RPA3: variants seen among roughly 807,000 people sequenced by gnomAD.
The protein encoded by RPA3 is replication protein A 14 kDa subunit.
A neutral mutation model predicts 13.7 loss-of-function variants in RPA3; 24 were observed. That is an observed-to-expected ratio of 1.75 (90% CI 1.27 to 2.46). The LOEUF (loss-of-function observed/expected upper bound fraction) is 2.46. RPA3 is among the 30% of genes most tolerant of loss of function. RPA3 has a pLI of 0.00. For missense variants in RPA3, 183 were observed against 151.0 expected (o/e 1.21, Z -1.11); for synonymous variants, 59 against 51.2 (o/e 1.15, Z -0.65).
chr7:7,658,363 G>T (rs1014020716), intron 4 of RPA3, among the ~76,000 whole-genome samples: 1 of 152,256 alleles, frequency 6.6e-6, no homozygotes, highest in Non-Finnish European at 1.5e-5. Flanking sequence ...TAGGAGTGGT[G>T]AGAGAGGGCA....
chr7:7,704,123 A>G lies in RPA3; in HGVS notation c.-1028+11052T>C, dbSNP rs1227338300. 3.3e-5 allele frequency among the ~76,000 whole-genome samples: 5 copies of G among 152,342 alleles called. 1 individual carries two copies. The highest frequency in any genetic ancestry group is 5.9e-5 in the Non-Finnish European group (4 of 68,042). On this transcript the variant is annotated intron_variant, in intron 2 of 7. Coordinates refer to ENST00000223129, the MANE Select transcript of RPA3 (RefSeq NM_002947.5). ...GCTGTGTTTTCTTTATTGTATTTCA[A>G]CTAAACAACACATCATGATAGTCTG...
At chr7:7,714,601 T>C (rs770655316) in intron 2 of RPA3, among the ~76,000 whole-genome samples, 6 of 152,238 alleles carry the variant, frequency 3.9e-5, no homozygotes, top group Non-Finnish European at 7.3e-5. Context: ...TAAATATCTT[T>C]AAATTCTCAT....
intron 4 of RPA3, among the ~76,000 whole-genome samples, chr7:7,644,259 C>A (rs1785044935): frequency 6.6e-6 from 1 of 150,734 alleles, no homozygotes; most frequent in South Asian, 2.1e-4. Flanking sequence ...CTTTTTCTTA[C>A]TGACTTTTAA....
chr7:7,647,222 T>C (rs561463380), intron 4 of RPA3, among the ~76,000 whole-genome samples: 1 of 152,364 alleles, frequency 6.6e-6, no homozygotes, highest in East Asian at 1.9e-4. Flanking sequence ...TTTTCTAGTT[T>C]TCAGCATATT....
intron 2 of RPA3, among the ~76,000 whole-genome samples, chr7:7,697,045 A>G (rs139378486): frequency 2.0e-5 from 3 of 152,310 alleles, no homozygotes; most frequent in African/African-American, 7.2e-5. Flanking sequence ...ACACATGCCA[A>G]GCAGTCAGCA....
At position 7,658,677 on chromosome 7, in the gene RPA3, G is replaced by A. The variant is rs372445773; in HGVS notation, c.-757-17502C>T. The stretch of plus-strand genomic sequence containing the variant: ...TGATGAAGCTGATTTGATTGTGGTG[G>A]ATAAGCTATTTGATGTGCTGTTGGA... On this transcript the variant is annotated intron_variant, in intron 4 of 7. Transcript: ENST00000223129. Among the ~76,000 whole-genome samples, 54 of 152,306 alleles carry A rather than the reference G, an allele frequency of 3.5e-4. 3 individuals carry two copies. In the South Asian group the frequency reaches 0.011, roughly 31 times the overall value.
chr7:7,640,583 T>C lies in RPA3; in HGVS notation c.-165A>G, dbSNP rs907504319. ...ACCTAAATCGCAATCGCGCTGTCTC[T>C]GAAAGGGGTGGAGAAGGGGCTGGAT... On this transcript the variant is annotated 5_prime_UTR_variant, in exon 5 of 8. Coordinates refer to ENST00000223129, the MANE Select transcript of RPA3 (RefSeq NM_002947.5). 4 of 648,838 alleles carry C rather than the reference T, an allele frequency of 6.2e-6. No individual in the cohort carries two copies. The highest frequency in any genetic ancestry group is 1.1e-5 in the Non-Finnish European group (4 of 367,686). The allele number at this position is 648,838 out of a possible 1,614,324, so 40.2% of individuals were successfully genotyped here.
At chr7:7,674,982 C>A (rs1402759662) in intron 4 of RPA3, among the ~76,000 whole-genome samples, 3 of 152,038 alleles carry the variant, frequency 2.0e-5, no homozygotes, top group Non-Finnish European at 4.4e-5. Flanking sequence ...GGGAACTCTG[C>A]TTTTTTCTGT....
chr7:7,641,687 A>G (rs1011926863), intron 4 of RPA3: 4 of 152,228 alleles, frequency 2.6e-5, no homozygotes, highest in African/African-American at 9.7e-5. Context: ...ATGAGTGCAC[A>G]TAAAAATACC....
chr7:7,658,723 T>C (rs969637232), intron 4 of RPA3, among the ~76,000 whole-genome samples: 3 of 152,258 alleles, frequency 2.0e-5, no homozygotes, highest in African/African-American at 7.2e-5. Flanking sequence ...CAGTATCTTA[T>C]TGAGTATTTT....
intron 2 of RPA3, among the ~76,000 whole-genome samples, chr7:7,698,576 G>C (rs1008285858): frequency 1.3e-5 from 2 of 151,766 alleles, no homozygotes; most frequent in African/African-American, 4.8e-5. Context: ...GTAGTATTTC[G>C]TAGAACTGGA....
intron 4 of RPA3, among the ~76,000 whole-genome samples, chr7:7,680,190 A>G (rs1313002351): frequency 6.6e-6 from 1 of 151,996 alleles, no homozygotes; most frequent in African/African-American, 2.4e-5. Flanking sequence ...AGATTTACGT[A>G]TTTTATCCAT....
chr7:7,641,863 T>A (rs1471881041), intron 4 of RPA3, among the ~76,000 whole-genome samples: 1 of 152,170 alleles, frequency 6.6e-6, no homozygotes, highest in African/African-American at 2.4e-5. Context: ...AAGATTGGAA[T>A]CTCATGTACG....
intron 2 of RPA3, among the ~76,000 whole-genome samples, chr7:7,697,909 G>C (rs1217674521): frequency 6.6e-6 from 1 of 152,112 alleles, no homozygotes; most frequent in African/African-American, 2.4e-5. Context: ...GGAAAATTTT[G>C]ATATTCCCTC....
intron 2 of RPA3, among the ~76,000 whole-genome samples, chr7:7,697,783 C>G (rs1281090055): frequency 1.3e-5 from 2 of 152,034 alleles, no homozygotes; most frequent in African/African-American, 4.8e-5. Flanking sequence ...GTCATTATGC[C>G]TCTTTTCACA....
At chr7:7,645,805 T>C (rs1372163984) in intron 4 of RPA3, among the ~76,000 whole-genome samples, 1 of 141,610 alleles carries the variant, frequency 7.1e-6, no homozygotes, top group Admixed American at 7.3e-5. Flanking sequence ...TTTGCTGTTG[T>C]TTTTGTTTAG....
In RPA3 at chr7:7,640,504, C is replaced by G. The variant is rs1031650276; in HGVS notation, c.-86G>C. ...GCGGGTGTCTATGGGGCAGATTTCT[C>G]GGCACCAATCAGCGAAGACTAGCGC... On this transcript the variant is annotated 5_prime_UTR_variant, in exon 5 of 8. Coordinates refer to ENST00000223129, the MANE Select transcript of RPA3 (RefSeq NM_002947.5). 1 of 1,255,500 alleles carries G rather than the reference C, an allele frequency of 8.0e-7. No homozygotes were observed. Among genetic ancestry groups the G allele is most frequent in the Non-Finnish European group, 1.2e-6 (1 of 868,740 alleles). The allele number at this position is 1,255,500 out of a possible 1,614,324, so 77.8% of individuals were successfully genotyped here.
intron 4 of RPA3, among the ~76,000 whole-genome samples, chr7:7,666,020 C>T (rs1386182229): frequency 6.6e-6 from 1 of 151,880 alleles, no homozygotes; most frequent in Non-Finnish European, 1.5e-5. Flanking sequence ...CCTACGTTTT[C>T]ATTTCCTAAG....
At chr7:7,684,117 A>G (rs778484954) in intron 4 of RPA3, among the ~76,000 whole-genome samples, 2 of 152,226 alleles carry the variant, frequency 1.3e-5, no homozygotes, top group Admixed American at 6.5e-5. Context: ...ACCTAATGCA[A>G]TGTAAATGCT....
Sources: allele counts gnomAD v4.1 joint callset (sites outside exome capture counted in the v4.1 genomes callset), GRCh38; gene constraint gnomAD v4.1.1; transcripts MANE v1.5; gene names NCBI Gene and HGNC (gene_info 2026-07-23, HGNC 2026-07-21).